Variants in SHANK2 observed in about 807,000 individuals in gnomAD.
SHANK2 encodes the protein SH3 and multiple ankyrin repeat domains 2, also known as SH3 and multiple ankyrin repeat domains protein 2.
In SHANK2, 43 loss-of-function variants were observed where a neutral mutation model predicts 133.7. The ratio of observed to expected loss-of-function variants is 0.32; its 90% CI spans 0.25 to 0.41. The LOEUF (loss-of-function observed/expected upper bound fraction) is 0.41. Ranked by LOEUF, SHANK2 falls within the 10% of genes least tolerant of loss-of-function variation. SHANK2 has a pLI of 1.00. For missense variants in SHANK2, 1,994 were observed against 2,235.8 expected (o/e 0.89, Z 2.18); for synonymous variants, 1,017 against 952.8 (o/e 1.07, Z -1.24).
chr11:70,898,749 C>G (rs1949978833), intron 10 of SHANK2, among the ~76,000 whole-genome samples: 1 of 152,170 alleles, frequency 6.6e-6, no homozygotes, highest in Non-Finnish European at 1.5e-5. Flanking sequence ...GGAAGCAGAG[C>G]TTGAAGATTT....
At position 70,945,464 on chromosome 11, in the gene SHANK2, C is replaced by T. The variant is rs554390166; in HGVS notation, c.1108-48897G>A. Among the ~76,000 whole-genome samples the T allele has an allele frequency of 1.5e-3, 236 of 152,314 alleles. 1 individual carries two copies. The highest frequency in any genetic ancestry group is 2.7e-3 in the South Asian group (13 of 4,828). Reference sequence around the variant, plus strand: ...ATGTGGAAGGGCCAGGCCTCCAATACGCTGAGCTCCGACGGCTTCCAGCCC... The same window carrying T: ...ATGTGGAAGGGCCAGGCCTCCAATATGCTGAGCTCCGACGGCTTCCAGCCC... On this transcript the variant is annotated intron_variant, in intron 10 of 25. Transcript: ENST00000601538.
At chr11:70,788,563 T>C (rs946442668) in intron 14 of SHANK2, among the ~76,000 whole-genome samples, 1 of 152,274 alleles carries the variant, frequency 6.6e-6, no homozygotes, top group African/African-American at 2.4e-5. Flanking sequence ...ACATGGTGTA[T>C]GCAGTACAGG....
intron 10 of SHANK2, among the ~76,000 whole-genome samples, chr11:70,949,181 T>C (rs1321456658): frequency 1.3e-5 from 2 of 152,196 alleles, no homozygotes; most frequent in African/African-American, 4.8e-5. Context: ...GTCACTCACA[T>C]GTGGAAGAGA....
At chr11:70,643,248 T>A (rs945571511) in intron 17 of SHANK2, among the ~76,000 whole-genome samples, 1 of 152,166 alleles carries the variant, frequency 6.6e-6, no homozygotes, top group Admixed American at 6.5e-5. Flanking sequence ...AGAGAATACA[T>A]ATAATATTTT....
chr11:70,815,176 A>G (rs538986653), intron 12 of SHANK2, among the ~76,000 whole-genome samples: 7 of 548 alleles, frequency 0.013, no homozygotes, highest in African/African-American at 0.038. Flanking sequence ...GGGAGAAGAA[A>G]CACACACACA....
At chr11:71,129,741 C>A (rs1565467895) in intron 3 of SHANK2, among the ~76,000 whole-genome samples, 1 of 152,216 alleles carries the variant, frequency 6.6e-6, no homozygotes, top group Non-Finnish European at 1.5e-5. Context: ...AGGCTAAGAA[C>A]TGAGACTACT....
At chr11:70,938,847 G>T (rs1950605834) in intron 10 of SHANK2, among the ~76,000 whole-genome samples, 1 of 152,090 alleles carries the variant, frequency 6.6e-6, no homozygotes, top group Admixed American at 6.5e-5. Flanking sequence ...GAGAAGGGAG[G>T]TGACGTGATA....
At position 70,897,239 on chromosome 11, in the gene SHANK2, A is replaced by G. The variant is rs182946860; in HGVS notation, c.1108-672T>C. Among the ~76,000 whole-genome samples the G allele has an allele frequency of 2.8e-4, 42 of 152,358 alleles. No homozygotes were observed. In the East Asian group the frequency reaches 7.3e-3, roughly 27 times the overall value. ...ATGGAGACCCATAAGGAAGGCCAGG[A>G]CCAGAGACCACACGGGCAAGGCACA... is the stretch of plus-strand genomic sequence containing the variant. On this transcript the variant is annotated intron_variant, in intron 10 of 25. Transcript: ENST00000601538.
chr11:70,912,643 G>A (rs1950212277), intron 10 of SHANK2, among the ~76,000 whole-genome samples: 1 of 152,182 alleles, frequency 6.6e-6, no homozygotes, highest in Non-Finnish European at 1.5e-5. Context: ...GCACCACGAT[G>A]ATACATCTCT....
chr11:70,603,550 CTAA>C (rs1162978713), intron 17 of SHANK2: 2 of 152,280 alleles, frequency 1.3e-5, no homozygotes, highest in Non-Finnish European at 2.9e-5. Flanking sequence ...AGGTGAGCCA[CTAA>C]TAATGTGTCA....
At chr11:71,116,788 T>C (rs1951987689) in intron 4 of SHANK2, among the ~76,000 whole-genome samples, 1 of 152,172 alleles carries the variant, frequency 6.6e-6, no homozygotes, top group East Asian at 1.9e-4. Flanking sequence ...CTCCCCATGG[T>C]AGTCAGTCAA....
At chr11:71,100,928 G>C (rs1555096545) in intron 6 of SHANK2, among the ~76,000 whole-genome samples, 1 of 151,812 alleles carries the variant, frequency 6.6e-6, no homozygotes, top group African/African-American at 2.4e-5. Context: ...GGATGGACGG[G>C]TGGAGCACAG....
At chr11:71,076,502 A>AAC (rs1234129786) in intron 8 of SHANK2, among the ~76,000 whole-genome samples, 46 of 133,286 alleles carry the variant, frequency 3.5e-4, no homozygotes, top group Non-Finnish European at 4.8e-4. Flanking sequence ...AACAAAACAA[A>AAC]AAAAAAACAA....
rs1949555473 is a variant in SHANK2, at chr11:70,876,053, G to C, written c.1174+20448C>G. Among the ~76,000 whole-genome samples, 3 of 152,014 alleles carry C rather than the reference G, an allele frequency of 2.0e-5. No individual in the cohort carries two copies. The South Asian group carries it at 6.2e-4, about 31-fold the overall frequency. On this transcript the variant is annotated intron_variant, in intron 11 of 25. Coordinates refer to ENST00000601538, the MANE Select transcript of SHANK2 (RefSeq NM_012309.5). Reference sequence around the variant, plus strand: ...TGCCTGTAATCCCAGCTACTTGGGAGGCTGAGGCAGGAGAATCACTTGAAC... The same window carrying C: ...TGCCTGTAATCCCAGCTACTTGGGACGCTGAGGCAGGAGAATCACTTGAAC...
chr11:70,609,843 T>TG (rs376723455), intron 17 of SHANK2, among the ~76,000 whole-genome samples: 1,012 of 3,854 alleles, frequency 0.26, 15 homozygotes, highest in African/African-American at 0.34. Context: ...CAATATGGAA[T>TG]ATGTATATTA....
chr11:70,640,099 G>T (rs535965470), intron 17 of SHANK2, among the ~76,000 whole-genome samples: 1 of 152,348 alleles, frequency 6.6e-6, no homozygotes, highest in South Asian at 2.1e-4. Context: ...CACAGCTAGT[G>T]CAGTGGGCTG....
At chr11:71,095,111 T>TG (rs1194479163) in intron 6 of SHANK2, among the ~76,000 whole-genome samples, 1 of 152,240 alleles carries the variant, frequency 6.6e-6, no homozygotes, top group Non-Finnish European at 1.5e-5. Context: ...GTCACATTTA[T>TG]GGGCATCTTG....
intron 14 of SHANK2, among the ~76,000 whole-genome samples, chr11:70,787,645 C>T (rs1222408919): frequency 6.6e-6 from 1 of 151,812 alleles, no homozygotes; most frequent in African/African-American, 2.4e-5. Context: ...CCATGACCGC[C>T]ACCAACACCA....
intron 2 of SHANK2, among the ~76,000 whole-genome samples, chr11:71,169,244 C>T (rs930019148): frequency 2.6e-5 from 4 of 152,108 alleles, no homozygotes; most frequent in Non-Finnish European, 4.4e-5. Flanking sequence ...TGACTAAGCT[C>T]GTGTTTCATT....
Sources: allele counts gnomAD v4.1 joint callset (sites outside exome capture counted in the v4.1 genomes callset), GRCh38; gene constraint gnomAD v4.1.1; transcripts MANE v1.5; gene names NCBI Gene and HGNC (gene_info 2026-07-23, HGNC 2026-07-21).